The following SON variants were observed in gnomAD, a reference collection of about 807,000 sequenced individuals.
SON encodes SON DNA and RNA binding protein.
A neutral mutation model predicts 173.3 loss-of-function variants in SON; 4 were observed. The observed-to-expected ratio is 0.02, with a 90% CI of 0.01 to 0.05. The LOEUF (loss-of-function observed/expected upper bound fraction) is 0.05, where lower values mean the gene tolerates loss of function less well. SON is among the 10% of genes least tolerant of loss of function. The pLI is 1.00. For missense variants in SON, 2,626 were observed against 3,055.3 expected, an observed-to-expected ratio of 0.86 and a Z score of 3.31; for synonymous variants, 1,190 against 1,105.9, an observed-to-expected ratio of 1.08 and a Z score of -1.51.
intron 10 of SON, 48 bp downstream of exon 10, chr21:33,575,715 TTCA>T: frequency 6.3e-7 from 1 of 1,577,578 alleles, no homozygotes; most frequent in Non-Finnish European, 8.7e-7. Flanking sequence ...CCACCTTGAA[TTCA>T]TTATTTGTTG....
At chr21:33,572,407 T>C (rs1471757484) in intron 8 of SON, 1 of 382,556 alleles carries the variant, frequency 2.6e-6, no homozygotes, top group Non-Finnish European at 5.3e-6. Flanking sequence ...ACCATGCTAA[T>C]GTATATATAC....
chr21:33,548,622 A>G (rs1335050090), intron 2 of SON, among the ~76,000 whole-genome samples: 3 of 152,186 alleles, frequency 2.0e-5, no homozygotes, highest in African/African-American at 7.2e-5. Flanking sequence ...TTTATCCTCT[A>G]ACTCTAGAAG....
At position 33,570,963 on chromosome 21, in the gene SON, A is replaced by G. The variant is rs562315348; in HGVS notation, c.6885+1876A>G. ...TTACTGACTCAATTGGTTTTCCCCT[A>G]AAATAATTTCTTCTGGTATTTGCAG... On this transcript the variant is annotated intron_variant, in intron 8 of 11. Transcript: ENST00000356577. Among the ~76,000 whole-genome samples, 34 of 151,976 alleles carry G rather than the reference A, an allele frequency of 2.2e-4. No homozygotes were observed. In the South Asian group the frequency reaches 4.4e-3, roughly 19 times the overall value.
chr21:33,554,134 C>G lies in SON; in HGVS notation c.4903C>G (p.Gln1635Glu), dbSNP rs776126144. 6.2e-7 allele frequency: 1 copy of G among 1,613,516 alleles called. No homozygotes were observed. The highest frequency in any genetic ancestry group is 8.5e-7 in the Non-Finnish European group (1 of 1,179,598). Residue 1635 changes from glutamine to glutamate, a missense_variant, in exon 3 of 12, where the codon CAA becomes GAA. By Grantham distance (29) the Gln-to-Glu change is conservative (BLOSUM62 2). Around this residue, in one of 13 missense-constraint regions of SON, gnomAD observed 1,006 missense variants for 895.6 expected, o/e 1.12. Coordinates refer to ENST00000356577, the MANE Select transcript of SON (RefSeq NM_138927.4). ...TGATGTTGATTTATCTTTAACTACT[C>G]AAGATACTGAACATGACATGGTAAT... ...KYDVDLSLTT[Q>E]DTEHDMVIST... is the part of the protein sequence containing the mutation.
intron 6 of SON, among the ~76,000 whole-genome samples, chr21:33,561,139 A>G (rs1470773263): frequency 2.0e-5 from 3 of 152,338 alleles, no homozygotes; most frequent in Admixed American, 6.5e-5. Context: ...TGCAACTTAC[A>G]GTTACTGGTG....
In SON at chr21:33,559,053, T is replaced by C. The variant is rs1429368421; in HGVS notation, c.6322-177T>C. Reference sequence around the variant, plus strand: ...TAGGTGCTCAATAAATGTTGTTGACTGACTGACCAGCCAGAGTGTGTTTAA... The same window carrying C: ...TAGGTGCTCAATAAATGTTGTTGACCGACTGACCAGCCAGAGTGTGTTTAA... On this transcript the variant is annotated intron_variant, in intron 4 of 11. Coordinates refer to ENST00000356577, the MANE Select transcript of SON (RefSeq NM_138927.4). The surrounding 1 kb of genome is among the most constrained non-coding windows in gnomAD (Gnocchi z 4.1). The C allele has an allele frequency of 1.1e-5, 5 of 444,984 alleles. No homozygotes were observed. The highest frequency in any genetic ancestry group is 4.1e-5 in the African/African-American group (2 of 48,362). The allele number at this position is 444,984 out of a possible 1,614,324, so 27.6% of individuals were successfully genotyped here. A position where few individuals can be genotyped will look rare whatever the true frequency, so the allele number is the denominator to read the frequency against.
At position 33,575,236 on chromosome 21, in the gene SON, A is replaced by T. The variant is rs182322064; in HGVS notation, c.7034-360A>T. Among the ~76,000 whole-genome samples, 362 of 152,110 alleles carry T rather than the reference A, an allele frequency of 2.4e-3. 2 individuals carry two copies. The highest frequency in any genetic ancestry group is 7.9e-3 in the African/African-American group (328 of 41,516). On this transcript the variant is annotated intron_variant, in intron 9 of 11. Coordinates refer to ENST00000356577, the MANE Select transcript of SON (RefSeq NM_138927.4). ...TCTTTAGTAGAGACGGGGTTTCACC[A>T]TGTTGGCCAGGCTGGTCTCAGACTC...
intron 2 of SON, among the ~76,000 whole-genome samples, chr21:33,549,238 C>G (rs562233964): frequency 3.0e-4 from 45 of 152,176 alleles, no homozygotes; most frequent in African/African-American, 1.1e-3. Context: ...CCATGCCTGG[C>G]TAATTTTTGT....
chr21:33,555,519 T>C (rs1156975930), intron 3 of SON, 128 bp downstream of exon 3: 1 of 837,968 alleles, frequency 1.2e-6, no homozygotes, highest in Non-Finnish European at 1.7e-6. Flanking sequence ...TTTAAGTTTT[T>C]ATTATTACAT....
chr21:33,547,605 T>C (rs1569048836), intron 2 of SON, among the ~76,000 whole-genome samples: 2 of 151,000 alleles, frequency 1.3e-5, no homozygotes, highest in Non-Finnish European at 1.5e-5. Context: ...CATTGAAGTA[T>C]GACTTATCTA....
chr21:33,575,119 C>G lies in SON; in HGVS notation c.7034-477C>G, dbSNP rs142559389. 4.0e-3 allele frequency among the ~76,000 whole-genome samples: 616 copies of G among 152,168 alleles called. 2 individuals carry two copies. The highest frequency in any genetic ancestry group is 0.014 in the African/African-American group (565 of 41,498). Reference sequence around the variant, plus strand: ...TGGCACGATCTTTACTCACTGCAACCTTCGCTTCCAGGTTCAAGCGATTCT... The same window carrying G: ...TGGCACGATCTTTACTCACTGCAACGTTCGCTTCCAGGTTCAAGCGATTCT... On this transcript the variant is annotated intron_variant, in intron 9 of 11. Coordinates refer to ENST00000356577, the MANE Select transcript of SON (RefSeq NM_138927.4).
intron 1 of SON, among the ~76,000 whole-genome samples, chr21:33,545,101 T>C (rs1270695799): frequency 1.3e-5 from 2 of 152,198 alleles, no homozygotes; most frequent in Non-Finnish European, 2.9e-5. Flanking sequence ...TTATAGATGG[T>C]GTGTAAGAAT....
In SON at chr21:33,553,396, G is replaced by A. The variant is rs370767348; in HGVS notation, c.4165G>A (p.Val1389Met). Residue 1389 changes from valine to methionine, a missense_variant, in exon 3 of 12, where the codon GTG becomes ATG. Val to Met is a conservative substitution (Grantham distance 21). This residue lies in a region of SON where 1,006 missense variants were observed against 895.6 expected (regional missense o/e 1.12). Coordinates refer to ENST00000356577, the MANE Select transcript of SON (RefSeq NM_138927.4). Reference protein sequence around the residue: ...STVTVLEPSVVTVPEPPVVAE... With the variant: ...STVTVLEPSVMTVPEPPVVAE... ...TGTAACTGTCCTGGAGCCTTCGGTTGTGACTGTCCCGGAGCCTCCTGTTGT... is the reference window on the plus strand; with the variant it reads ...TGTAACTGTCCTGGAGCCTTCGGTTATGACTGTCCCGGAGCCTCCTGTTGT... The A allele has an allele frequency of 3.7e-6, 6 of 1,613,636 alleles. No individual in the cohort carries two copies. The African/African-American group carries it at 8.0e-5, about 22-fold the overall frequency.
At position 33,554,049 on chromosome 21, in the gene SON, A is replaced by G; in HGVS notation, c.4818A>G (p.Thr1606=). 1 of 1,614,158 alleles carries G rather than the reference A, an allele frequency of 6.2e-7. No homozygotes were observed. The highest frequency in any genetic ancestry group is 8.5e-7 in the Non-Finnish European group (1 of 1,180,028). ...CTTTTGCTCTGGAACCTGATGCAAC[A>G]GGAACTAGTAAGGGTATTGAATTTA... The part of the protein sequence containing the change: ...TGPFALEPDA[T]GTSKGIEFTT... The change falls in exon 3 of 12, where the codon ACA becomes ACG. Residue 1606 remains threonine (T), a synonymous_variant. Coordinates refer to ENST00000356577, the MANE Select transcript of SON (RefSeq NM_138927.4).
intron 3 of SON, among the ~76,000 whole-genome samples, chr21:33,556,829 A>T (rs1166536641): frequency 6.6e-6 from 1 of 151,674 alleles, no homozygotes; most frequent in Non-Finnish European, 1.5e-5. Context: ...TGGCAGGTTT[A>T]TATCTTAGAG....
At chr21:33,546,043 A>G (rs1227505444) in intron 1 of SON, among the ~76,000 whole-genome samples, 170 bp from the exon 2 acceptor site, 1 of 152,268 alleles carries the variant, frequency 6.6e-6, no homozygotes, top group African/African-American at 2.4e-5. Flanking sequence ...TGAAATGTCC[A>G]AAATATAAGT....
Position 33,553,639 on chromosome 21 carries a change from A to G in SON, c.4408A>G (p.Thr1470Ala), listed in dbSNP as rs2085873805. 1 of 1,613,856 alleles carries G rather than the reference A, an allele frequency of 6.2e-7. No homozygotes were observed. ...VIPTEVAIES[T>A]PMILESSIMS... ...ACCAACTGAGGTGGCTATAGAGTCCACACCAATGATACTGGAATCTAGTAT... is the reference window on the plus strand; with the variant it reads ...ACCAACTGAGGTGGCTATAGAGTCCGCACCAATGATACTGGAATCTAGTAT... Residue 1470 changes from threonine to alanine, a missense_variant, in exon 3 of 12, where the codon ACA (threonine) becomes GCA (alanine). Thr to Ala is a moderately conservative substitution (Grantham distance 58). This residue lies in a region of SON where 1,006 missense variants were observed against 895.6 expected (regional missense o/e 1.12). Coordinates refer to ENST00000356577, the MANE Select transcript of SON (RefSeq NM_138927.4).
At position 33,552,829 on chromosome 21, in the gene SON, C is replaced by A. The variant is rs2085839973; in HGVS notation, c.3598C>A (p.Pro1200Thr). Residue 1200 changes from proline (P) to threonine (T), a missense_variant, in exon 3 of 12, where the codon CCA (proline) becomes ACA (threonine). Physicochemically the swap from Pro to Thr is conservative, Grantham distance 38. Around this residue, in one of 13 missense-constraint regions of SON, gnomAD observed 1,006 missense variants for 895.6 expected, o/e 1.12. Coordinates refer to ENST00000356577, the MANE Select transcript of SON (RefSeq NM_138927.4). The surrounding 1 kb of genome is among the most constrained non-coding windows in gnomAD (Gnocchi z 5.6). ...TAENTWPTEV[P>T]SSPSEESVSQ... ...TGAAAATACTTGGCCTACAGAGGTG[C>A]CATCATCACCATCTGAAGAGTCTGT... 21 of 1,613,466 alleles carry A rather than the reference C, an allele frequency of 1.3e-5. No individual in the cohort carries two copies. The highest frequency in any genetic ancestry group is 1.7e-5 in the Non-Finnish European group (20 of 1,179,644).
At chr21:33,563,061 A>G (rs1249766712) in intron 6 of SON, among the ~76,000 whole-genome samples, 2 of 152,298 alleles carry the variant, frequency 1.3e-5, no homozygotes, top group East Asian at 3.9e-4. Context: ...TAAATTTATA[A>G]GCTCTAAATG....
Sources: allele counts gnomAD v4.1 joint callset (sites outside exome capture counted in the v4.1 genomes callset), GRCh38; gene constraint gnomAD v4.1.1; regional missense constraint gnomAD v4.1.1; non-coding constraint Gnocchi (gnomAD v3.1); transcripts MANE v1.5; gene names NCBI Gene and HGNC (gene_info 2026-07-23, HGNC 2026-07-21).